NIBAN2: variants seen among roughly 807,000 people sequenced by gnomAD.
NIBAN2 encodes the protein protein Niban 2.
NIBAN2 carries 36 observed loss-of-function variants against 81.8 expected under a neutral mutation model. That is an observed-to-expected ratio of 0.44 (90% CI 0.34 to 0.58). NIBAN2 has a LOEUF of 0.58. Ranked by LOEUF, NIBAN2 falls within the 20% of genes least tolerant of loss-of-function variation. The pLI, the probability that NIBAN2 is intolerant of heterozygous loss-of-function variation, is 0.02. For missense variants in NIBAN2, 897 were observed against 1,014.1 expected, an observed-to-expected ratio of 0.88 and a Z score of 1.57; for synonymous variants, 445 against 441.6, an observed-to-expected ratio of 1.01 and a Z score of -0.10.
rs763011480 is a variant in NIBAN2, at chr9:127,545,276, G to A, written c.56-13498C>T. ...AGTCCCGGCCTCCCAGGTCTCCACA[G>A]CCTCCCTGGCCTCCACTCCCACAGC... On this transcript the variant is annotated intron_variant, in intron 1 of 13. Transcript: ENST00000373312. The surrounding 1 kb of genome is among the most constrained non-coding windows in gnomAD (Gnocchi z 4.7). Among the ~76,000 whole-genome samples, 1 of 151,716 alleles carries A rather than the reference G, an allele frequency of 6.6e-6. No homozygotes were observed. The highest frequency in any genetic ancestry group is 2.4e-5 in the African/African-American group (1 of 41,042).
intron 1 of NIBAN2, among the ~76,000 whole-genome samples, chr9:127,558,838 T>C (rs2252968): frequency 0.31 from 47,085 of 152,024 alleles, 7,416 homozygotes; most frequent in East Asian, 0.37. Context: ...TCCCTAAGAA[T>C]TCAGCTAAAA....
At chr9:127,543,980 G>T (rs753673392) in intron 1 of NIBAN2, among the ~76,000 whole-genome samples, 1 of 152,206 alleles carries the variant, frequency 6.6e-6, no homozygotes, top group Non-Finnish European at 1.5e-5. Context: ...CCACTTTATG[G>T]ATAAGGGATC....
intron 9 of NIBAN2, 109 bp downstream of exon 9, chr9:127,510,037 G>A (rs1836703715): frequency 9.5e-7 from 1 of 1,049,080 alleles, no homozygotes; most frequent in East Asian, 2.5e-5. Flanking sequence ...CCGTCTACAG[G>A]GACGGCCTTG....
At chr9:127,551,540 A>T (rs531255173) in intron 1 of NIBAN2, among the ~76,000 whole-genome samples, 527 of 151,470 alleles carry the variant, frequency 3.5e-3, no homozygotes, top group East Asian at 0.01. Context: ...AATAAATAAA[A>T]ATATAAATAA....
chr9:127,515,344 C>T (rs1234036746), intron 8 of NIBAN2, among the ~76,000 whole-genome samples: 1 of 151,694 alleles, frequency 6.6e-6, no homozygotes, highest in African/African-American at 2.4e-5. Flanking sequence ...CACGGTGAAA[C>T]CTTGTCTGTA....
intron 2 of NIBAN2, among the ~76,000 whole-genome samples, chr9:127,528,515 C>A (rs1244519073): frequency 6.6e-6 from 1 of 152,134 alleles, no homozygotes; most frequent in Non-Finnish European, 1.5e-5. Flanking sequence ...TCCCTGCAGT[C>A]CCGTCTCTCC....
In NIBAN2 at chr9:127,510,309, A is replaced by G; in HGVS notation, c.998T>C (p.Val333Ala). The G allele has an allele frequency of 6.2e-7, 1 of 1,611,458 alleles. No homozygotes were observed. Among genetic ancestry groups the G allele is most frequent in the Non-Finnish European group, 8.5e-7 (1 of 1,178,192 alleles). The change falls in exon 9 of 14, where the codon GTG becomes GCG. Residue 333 changes from valine to alanine, a missense_variant. Val to Ala is a moderately conservative substitution (Grantham distance 64). Coordinates refer to ENST00000373312, the MANE Select transcript of NIBAN2 (RefSeq NM_022833.4). ...IRAFILPKAE[V>A]CVRNHVQPYI... is the part of the protein sequence containing the mutation. ...GGGCTGGACATGGTTCCGCACGCAC[A>G]CCTCTGCCTTGGGGAGGATGAAGGC...
Position 127,509,116 on chromosome 9 carries a change from A to G in NIBAN2, c.1177T>C (p.Ser393Pro), listed in dbSNP as rs1176392630. The stretch of plus-strand genomic sequence containing the variant: ...TTCAGGGGGTGGTACGCCAGCCGGG[A>G]CAGCTTCTCCATGTACTGCAGGGGC... ...DKLGEYMEKL[S>P]RLAYHPLKMQ... The change falls in exon 10 of 14, where the codon TCC (serine) becomes CCC (proline). Residue 393 changes from serine (S) to proline (P), a missense_variant. Physicochemically the swap from Ser to Pro is moderately conservative, Grantham distance 74. Around this residue, in one of 3 missense-constraint regions of NIBAN2, gnomAD observed 619 missense variants for 691.0 expected, o/e 0.90. Coordinates refer to ENST00000373312, the MANE Select transcript of NIBAN2 (RefSeq NM_022833.4). 1.2e-6 allele frequency: 2 copies of G among 1,611,854 alleles called. No homozygotes were observed. The highest frequency in any genetic ancestry group is 1.7e-6 in the Non-Finnish European group (2 of 1,179,776).
At chr9:127,551,689 T>C (rs1837579648) in intron 1 of NIBAN2, among the ~76,000 whole-genome samples, 2 of 151,564 alleles carry the variant, frequency 1.3e-5, no homozygotes, top group African/African-American at 2.4e-5. Flanking sequence ...CACTCCAGCC[T>C]GGGCAACAAG....
rs373154497 is a variant in NIBAN2 at position 127,515,551 on chromosome 9, A to AAAC, written c.973+1305_973+1306insGTT. Among the ~76,000 whole-genome samples the AAAC allele has an allele frequency of 7.8e-4, 109 of 140,298 alleles. 3 individuals carry two copies. The highest frequency in any genetic ancestry group is 1.3e-3 in the South Asian group (6 of 4,484). The allele number at this position is 140,298 out of a possible 152,430, so 92.0% of individuals were successfully genotyped here. A position where few individuals can be genotyped will look rare whatever the true frequency, so the allele number is the denominator to read the frequency against. On this transcript the variant is annotated intron_variant, in intron 8 of 13. Coordinates refer to ENST00000373312, the MANE Select transcript of NIBAN2 (RefSeq NM_022833.4). ...AAAAAAAAAAAAAACAAACAAAAAAAACAGGCCAGGCACAGTGGCTCACAC... is the reference window on the plus strand; with the variant it reads ...AAAAAAAAAAAAAACAAACAAAAAAAAACACAGGCCAGGCACAGTGGCTCACAC...
rs554601150 is a variant in NIBAN2 at position 127,516,075 on chromosome 9, G to C, written c.973+782C>G. ...ATGGTAGAGACTGCAGTGAGCCAAG[G>C]TCGTGCCATTGCACTGCAGCCTGGG... On this transcript the variant is annotated intron_variant, in intron 8 of 13. Transcript: ENST00000373312. 6.0e-4 allele frequency among the ~76,000 whole-genome samples: 91 copies of C among 151,844 alleles called. 1 individual carries two copies. Among genetic ancestry groups the C allele is most frequent in the Non-Finnish European group, 9.9e-4 (67 of 67,962 alleles).
At chr9:127,570,518 A>G (rs894014920), upstream of NIBAN2, among the ~76,000 whole-genome samples, 4 of 152,232 alleles carry the variant, frequency 2.6e-5, no homozygotes, top group Non-Finnish European at 5.9e-5. Flanking sequence ...GATATCACAA[A>G]GTGCCCAGCA....
At chr9:127,578,756 T>C (rs1838039861) in intron 1 of NIBAN2, among the ~76,000 whole-genome samples, 1 of 150,724 alleles carries the variant, frequency 6.6e-6, no homozygotes, top group South Asian at 2.1e-4. Context: ...CTTTGGGAGG[T>C]CAAGAAGTGA....
chr9:127,545,013 C>G lies in NIBAN2; in HGVS notation c.56-13235G>C, dbSNP rs371878797. 1.3e-5 allele frequency among the ~76,000 whole-genome samples: 2 copies of G among 152,308 alleles called. No individual in the cohort carries two copies. Among genetic ancestry groups the G allele is most frequent in the East Asian group, 1.9e-4 (1 of 5,190 alleles). On this transcript the variant is annotated intron_variant, in intron 1 of 13. Transcript: ENST00000373312. This position sits in a 1 kb window ranked among gnomAD's most constrained non-coding sequence, Gnocchi z 4.7. ...GGGTCCCATTGCCCTGTTAGTGTCC[C>G]AGCTCCTCTGAGACCATCTTGGGGA...
rs772398032 is a variant in NIBAN2 at position 127,510,322 on chromosome 9, G to C, written c.985C>G (p.Pro329Ala). 2.0e-5 allele frequency: 32 copies of C among 1,606,144 alleles called. No homozygotes were observed. The highest frequency in any genetic ancestry group is 2.6e-5 in the Non-Finnish European group (31 of 1,174,162). Residue 329 changes from proline to alanine, a missense_variant, in exon 9 of 14, where the codon CCC becomes GCC. Pro to Ala is a conservative substitution (Grantham distance 27). This residue lies in a region of NIBAN2 where 619 missense variants were observed against 691.0 expected (regional missense o/e 0.90). Coordinates refer to ENST00000373312, the MANE Select transcript of NIBAN2 (RefSeq NM_022833.4). ...TTCCGCACGCACACCTCTGCCTTGG[G>C]GAGGATGAAGGCTGTGCCCCGAGGG... Reference protein sequence around the residue: ...LASKIRAFILPKAEVCVRNHV... With the variant: ...LASKIRAFILAKAEVCVRNHV...
rs1219796013 is a variant in NIBAN2 at position 127,517,895 on chromosome 9, G to A, written c.636C>T (p.Ala212=). 6.2e-7 allele frequency: 1 copy of A among 1,613,242 alleles called. No individual in the cohort carries two copies. The highest frequency in any genetic ancestry group is 8.5e-7 in the Non-Finnish European group (1 of 1,179,670). Residue 212 remains alanine (A), a synonymous_variant, in exon 6 of 14, where the codon GCC becomes GCT. Transcript: ENST00000373312. The surrounding 1 kb of genome is among the most constrained non-coding windows in gnomAD (Gnocchi z 4.0). The part of the protein sequence containing the change: ...SKVEGPAFTD[A]IRMYRQSKEL... The stretch of plus-strand genomic sequence containing the variant: ...CCTTGGACTGTCGGTACATGCGGAT[G>A]GCATCTGTGAACGCAGGGCCCTCTA...
chr9:127,540,295 C>A (rs1406462907), intron 1 of NIBAN2, among the ~76,000 whole-genome samples: 1 of 152,134 alleles, frequency 6.6e-6, no homozygotes, highest in East Asian at 1.9e-4. Flanking sequence ...GGATGGGGTA[C>A]CAGGCCCACT....
chr9:127,563,893 C>G lies in NIBAN2; in HGVS notation c.55+4927G>C, dbSNP rs551216954. On this transcript the variant is annotated intron_variant, in intron 1 of 13. Coordinates refer to ENST00000373312, the MANE Select transcript of NIBAN2 (RefSeq NM_022833.4). This position sits in a 1 kb window ranked among gnomAD's most constrained non-coding sequence, Gnocchi z 4.1. ...TAAATAATTAAGACACCCTTCTTCTCATATCTGGTTGTCAAAAGGATGAAA... is the reference window on the plus strand; with the variant it reads ...TAAATAATTAAGACACCCTTCTTCTGATATCTGGTTGTCAAAAGGATGAAA... 2.0e-4 allele frequency among the ~76,000 whole-genome samples: 30 copies of G among 152,172 alleles called. No homozygotes were observed. The highest frequency in any genetic ancestry group is 3.8e-4 in the Non-Finnish European group (26 of 68,026).
At chr9:127,554,258 G>A (rs2132225656) in intron 1 of NIBAN2, among the ~76,000 whole-genome samples, 1 of 152,312 alleles carries the variant, frequency 6.6e-6, no homozygotes, top group South Asian at 2.1e-4. Flanking sequence ...ACTCAAGGCT[G>A]TGCTCAGCTC....
Sources: gnomAD v4.1 joint callset for allele counts (sites outside exome capture counted in the v4.1 genomes callset) on GRCh38, gnomAD v4.1.1 for gene constraint, gnomAD v4.1.1 regional missense constraint, Gnocchi (gnomAD v3.1) non-coding constraint, MANE v1.5 for transcripts, NCBI Gene and HGNC (gene_info 2026-07-23, HGNC 2026-07-21) for gene names.